PRDM5: variants seen among roughly 807,000 people sequenced by gnomAD.
PRDM5 encodes PR/SET domain 5, also known as PR domain zinc finger protein 5.
Under a neutral mutation model 81.2 loss-of-function variants are expected in PRDM5, and 56 were observed. That is an observed-to-expected ratio of 0.69 (90% CI 0.56 to 0.86). The LOEUF (loss-of-function observed/expected upper bound fraction) is 0.86, where lower values mean the gene tolerates loss of function less well. Ranked by LOEUF, PRDM5 falls within the 40% of genes least tolerant of loss-of-function variation. PRDM5 has a pLI of 0.00. For synonymous variants in PRDM5, 267 were observed against 256.4 expected, an observed-to-expected ratio of 1.04 and a Z score of -0.39; for missense variants, 697 against 770.1, an observed-to-expected ratio of 0.91 and a Z score of 1.12.
chr4:120,703,483 C>G (rs1054749233), intron 15 of PRDM5, among the ~76,000 whole-genome samples: 16 of 152,080 alleles, frequency 1.1e-4, no homozygotes, highest in African/African-American at 2.9e-4. Context: ...AGTCACCATG[C>G]CTGGTCTCAT....
chr4:120,843,492 C>T lies in PRDM5; in HGVS notation c.300+9926G>A, dbSNP rs147234142. Among the ~76,000 whole-genome samples, 8 of 152,070 alleles carry T rather than the reference C, an allele frequency of 5.3e-5. No individual in the cohort carries two copies. In the East Asian group the frequency reaches 9.7e-4, roughly 18 times the overall value. ...CCAAGGCAGGAGGATCACTTAAGTA[C>T]AAGAGTTCAAGGCCAGCCTGGGCAA... On this transcript the variant is annotated intron_variant, in intron 3 of 15. Transcript: ENST00000264808.
intron 2 of PRDM5, chr4:120,896,505 C>T (rs2148644594): frequency 6.6e-6 from 1 of 152,142 alleles, no homozygotes; most frequent in Admixed American, 6.5e-5. Context: ...ATTAACAGTA[C>T]CTCTAAATTT....
At chr4:120,904,208 A>AAAAAAAAAAAAAC (rs1410008827) in intron 2 of PRDM5, among the ~76,000 whole-genome samples, 2 of 147,564 alleles carry the variant, frequency 1.4e-5, no homozygotes, top group Non-Finnish European at 1.5e-5. Flanking sequence ...AAAAAAAACA[A>AAAAAAAAAAAAAC]AAAAACCTCC....
At position 120,799,203 on chromosome 4, in the gene PRDM5, T is replaced by C. The variant is rs149293616; in HGVS notation, c.1030+458A>G. ...AACTTACATACTCAAAATGTATTTA[T>C]AGATTTCTTACTAACATGTATTAGT... On this transcript the variant is annotated intron_variant, in intron 9 of 15. Transcript: ENST00000264808. 1.9e-3 allele frequency among the ~76,000 whole-genome samples: 290 copies of C among 152,324 alleles called. 1 individual carries two copies. The highest frequency in any genetic ancestry group is 6.4e-3 in the African/African-American group (267 of 41,578).
intron 14 of PRDM5, among the ~76,000 whole-genome samples, chr4:120,740,059 A>C (rs1170229962): frequency 6.6e-6 from 1 of 152,154 alleles, no homozygotes; most frequent in East Asian, 1.9e-4. Flanking sequence ...AGAATGCTCA[A>C]TTTCATGCAG....
intron 14 of PRDM5, among the ~76,000 whole-genome samples, chr4:120,726,045 C>T (rs137861745): frequency 3.9e-5 from 6 of 152,214 alleles, no homozygotes; most frequent in Non-Finnish European, 7.4e-5. Flanking sequence ...GCTGCTCACC[C>T]GAGTGGGCAC....
rs1459322393 is a variant in PRDM5 at position 120,694,985 on chromosome 4, A to T, written c.*126T>A. On this transcript the variant is annotated 3_prime_UTR_variant, in exon 16 of 16. Coordinates refer to ENST00000264808, the MANE Select transcript of PRDM5 (RefSeq NM_018699.4). ...ATATGCATCTACAGACTCTAAATGT[A>T]GGCAAATAAGAACTATGAGACCAGT... 5.3e-6 allele frequency: 6 copies of T among 1,134,098 alleles called. No individual in the cohort carries two copies. The highest frequency in any genetic ancestry group is 2.7e-4 in the Middle Eastern group (1 of 3,676). 70.3% of individuals were successfully genotyped at this position (1,134,098 alleles called of 1,614,324 possible).
chr4:120,886,961 T>A (rs1445085542), intron 2 of PRDM5, among the ~76,000 whole-genome samples: 10 of 151,648 alleles, frequency 6.6e-5, no homozygotes, highest in Non-Finnish European at 1.2e-4. Flanking sequence ...TTTTTTTTTT[T>A]ATGAGATGAA....
chr4:120,863,191 TACACACACACAC>T (rs370387683), intron 2 of PRDM5, among the ~76,000 whole-genome samples: 4 of 70,322 alleles, frequency 5.7e-5, no homozygotes, highest in African/African-American at 1.0e-4. Context: ...TATATATATA[TACACACACACAC>T]ACACACACAC....
intron 13 of PRDM5, among the ~76,000 whole-genome samples, chr4:120,771,130 A>C (rs1747226300): frequency 6.6e-6 from 1 of 152,082 alleles, no homozygotes; most frequent in African/African-American, 2.4e-5. Flanking sequence ...TTAATGTTAA[A>C]TATGTAGGAT....
chr4:120,810,921 T>C (rs889067693), intron 8 of PRDM5, among the ~76,000 whole-genome samples: 1 of 152,174 alleles, frequency 6.6e-6, no homozygotes, highest in Non-Finnish European at 1.5e-5. Flanking sequence ...CATATAAATT[T>C]TAAGTCCTGT....
chr4:120,787,080 A>G (rs1749862557), intron 10 of PRDM5, among the ~76,000 whole-genome samples: 1 of 152,216 alleles, frequency 6.6e-6, no homozygotes, highest in Non-Finnish European at 1.5e-5. Context: ...GAAGGGATAA[A>G]TGTGATGGAG....
At chr4:120,685,663 C>A (rs893479612) in intron 1 of PRDM5, among the ~76,000 whole-genome samples, 3 of 152,134 alleles carry the variant, frequency 2.0e-5, no homozygotes, top group African/African-American at 7.2e-5. Context: ...GCATCCATTG[C>A]AGATAGTGTT....
At chr4:120,823,993 C>A (rs1336983240) in intron 3 of PRDM5, among the ~76,000 whole-genome samples, 2 of 152,178 alleles carry the variant, frequency 1.3e-5, no homozygotes, top group Non-Finnish European at 2.9e-5. Flanking sequence ...CCCTCTTTGA[C>A]CACTACACAT....
chr4:120,910,923 A>G (rs1055716226), intron 1 of PRDM5, among the ~76,000 whole-genome samples: 2 of 152,174 alleles, frequency 1.3e-5, no homozygotes, highest in African/African-American at 4.8e-5. Flanking sequence ...ATTTCACACT[A>G]GCAGATAGGA....
At chr4:120,822,779 T>C in intron 3 of PRDM5, among the ~76,000 whole-genome samples, 1 of 152,186 alleles carries the variant, frequency 6.6e-6, no homozygotes, top group Non-Finnish European at 1.5e-5. Context: ...CATCCAATCC[T>C]ATGGAAGGAA....
intron 13 of PRDM5, among the ~76,000 whole-genome samples, chr4:120,772,118 G>A (rs2149212081): frequency 6.6e-6 from 1 of 152,246 alleles, no homozygotes; most frequent in Non-Finnish European, 1.5e-5. Flanking sequence ...TGACTCCTAT[G>A]GCAGAGGAGG....
At position 120,884,076 on chromosome 4, in the gene PRDM5, T is replaced by C. The variant is rs369256572; in HGVS notation, c.177+23398A>G. On this transcript the variant is annotated intron_variant, in intron 2 of 15. Transcript: ENST00000264808. ...CCCAATCTATTAGTGAAAAAACAAA[T>C]CTCTTCATGACCACATATCAGAGAA... 1.3e-3 allele frequency among the ~76,000 whole-genome samples: 203 copies of C among 152,192 alleles called. 3 individuals carry two copies. The highest frequency in any genetic ancestry group is 6.5e-4 in the Admixed American group (10 of 15,292).
chr4:120,692,967 C>T lies in PRDM5; in HGVS notation c.*2144G>A, dbSNP rs1419329760. On this transcript the variant is annotated 3_prime_UTR_variant, in exon 16 of 16. Transcript: ENST00000264808. ...CTTTTGGATAAAAATTTACAGCATA[C>T]AAATAGTCTACTAAGGACTTGTTTT... 2 of 152,020 alleles carry T rather than the reference C, an allele frequency of 1.3e-5. No individual in the cohort carries two copies. Among genetic ancestry groups the T allele is most frequent in the African/African-American group, 2.4e-5 (1 of 41,396 alleles). 9.4% of individuals were successfully genotyped at this position (152,020 alleles called of 1,614,324 possible). A position where few individuals can be genotyped will look rare whatever the true frequency, so the allele number is the denominator to read the frequency against.
Sources: allele counts gnomAD v4.1 joint callset (sites outside exome capture counted in the v4.1 genomes callset), GRCh38; gene constraint gnomAD v4.1.1; transcripts MANE v1.5; gene names NCBI Gene and HGNC (gene_info 2026-07-23, HGNC 2026-07-21).